BRAF: variants seen among roughly 807,000 people sequenced by gnomAD.
BRAF encodes the protein serine/threonine-protein kinase B-raf.
In BRAF, 16 loss-of-function variants were observed where a neutral mutation model predicts 104.6. The ratio of observed to expected loss-of-function variants is 0.15; its 90% CI spans 0.10 to 0.23. The LOEUF is 0.23. Among genes scored for constraint, BRAF ranks in the 10% least tolerant of loss-of-function variants. The pLI is 1.00. For synonymous variants in BRAF, 310 were observed against 341.6 expected (o/e 0.91, Z 1.02); for missense variants, 541 against 937.3 (o/e 0.58, Z 5.52).
chr7:140,716,348 A>T (rs1408955268), downstream of BRAF, among the ~76,000 whole-genome samples: 2 of 152,210 alleles, frequency 1.3e-5, no homozygotes, highest in African/African-American at 4.8e-5. Flanking sequence ...TGTAGAATGG[A>T]TTAAAAAGGT....
chr7:140,828,393 G>A (rs922847218), intron 3 of BRAF, among the ~76,000 whole-genome samples: 14 of 151,996 alleles, frequency 9.2e-5, no homozygotes, highest in African/African-American at 2.7e-4. Context: ...TTTCAACTCC[G>A]TCTTTGTTTT....
At chr7:140,891,311 T>C (rs896024828) in intron 1 of BRAF, among the ~76,000 whole-genome samples, 3 of 152,170 alleles carry the variant, frequency 2.0e-5, no homozygotes, top group Non-Finnish European at 4.4e-5. Context: ...CCACAAGGGA[T>C]TGGTTCCAGG....
At chr7:140,837,940 T>C (rs991634914) in intron 2 of BRAF, among the ~76,000 whole-genome samples, 2 of 152,226 alleles carry the variant, frequency 1.3e-5, no homozygotes, top group African/African-American at 2.4e-5. Flanking sequence ...ATTGGGTGTT[T>C]AGGGCCTTAG....
chr7:140,852,164 T>A (rs1185800185), intron 1 of BRAF, among the ~76,000 whole-genome samples: 1 of 151,092 alleles, frequency 6.6e-6, no homozygotes, highest in Non-Finnish European at 1.5e-5. Context: ...AGCCCAGGAG[T>A]TCACAACCAG....
intron 17 of BRAF, among the ~76,000 whole-genome samples, chr7:140,748,425 C>T (rs994950533): frequency 1.3e-5 from 2 of 152,116 alleles, no homozygotes; most frequent in Non-Finnish European, 2.9e-5. Flanking sequence ...TGGACCCTCC[C>T]CATTTAATTA....
At chr7:140,830,456 G>A (rs1806602630) in intron 3 of BRAF, among the ~76,000 whole-genome samples, 1 of 152,160 alleles carries the variant, frequency 6.6e-6, no homozygotes, top group Admixed American at 6.5e-5. Flanking sequence ...TGATCAGGGT[G>A]CCAGGTGCAT....
chr7:140,796,660 G>C (rs1455635603), intron 7 of BRAF, among the ~76,000 whole-genome samples: 1 of 152,200 alleles, frequency 6.6e-6, no homozygotes, highest in Non-Finnish European at 1.5e-5. Flanking sequence ...AACTCAATTT[G>C]GTAGTTGGTA....
At position 140,800,405 on chromosome 7, in the gene BRAF, T is replaced by C; in HGVS notation, c.937A>G (p.Thr313Ala). ...GGTGCGGAAGGGGATGATCCAGATG[T>C]TAGGGCAGTCTCTGCTAAGGACGCC... ...EEASLAETAL[T>A]SGSSPSAPAS... The change falls in exon 7 of 20, where the codon ACA becomes GCA. Residue 313 changes from threonine to alanine, a missense_variant. This residue lies in a region of BRAF where 79 missense variants were observed against 74.6 expected (regional missense o/e 1.06). Coordinates refer to ENST00000644969, the MANE Select transcript of BRAF (RefSeq NM_001374258.1). 1 of 1,614,134 alleles carries C rather than the reference T, an allele frequency of 6.2e-7. No individual in the cohort carries two copies. The highest frequency in any genetic ancestry group is 8.5e-7 in the Non-Finnish European group (1 of 1,180,006).
intron 2 of BRAF, among the ~76,000 whole-genome samples, chr7:140,841,883 A>G (rs1312006730): frequency 6.6e-6 from 1 of 152,198 alleles, no homozygotes; most frequent in Admixed American, 6.5e-5. Context: ...TTAAAACAGA[A>G]GGGAAAAAAA....
Position 140,916,872 on chromosome 7 carries a change from C to T in BRAF, c.138+7694G>A, listed in dbSNP as rs370182638. Among the ~76,000 whole-genome samples, 5 of 152,322 alleles carry T rather than the reference C, an allele frequency of 3.3e-5. No individual in the cohort carries two copies. The East Asian group carries it at 7.7e-4, about 24-fold the overall frequency. ...GTCAAAGTTCTAAAAATCTTCTCAA[C>T]TGGACCTACCTGATTTTAAATTTAA... On this transcript the variant is annotated intron_variant, in intron 1 of 19. Transcript: ENST00000644969.
chr7:140,763,473 C>G (rs570404962), intron 14 of BRAF, among the ~76,000 whole-genome samples: 2 of 150,720 alleles, frequency 1.3e-5, no homozygotes, highest in East Asian at 2.0e-4. Flanking sequence ...CTGACCCCCC[C>G]ACCTCCTTCC....
At chr7:140,892,212 T>G (rs1814310290) in intron 1 of BRAF, among the ~76,000 whole-genome samples, 1 of 151,964 alleles carries the variant, frequency 6.6e-6, no homozygotes. Context: ...GCCGAGATTG[T>G]GCCACTGCAC....
chr7:140,827,114 C>T (rs886383383), intron 3 of BRAF, among the ~76,000 whole-genome samples: 1 of 152,174 alleles, frequency 6.6e-6, no homozygotes, highest in African/African-American at 2.4e-5. Flanking sequence ...AGGTCCCAAT[C>T]CAAGCAAGAA....
At chr7:140,762,214 T>C (rs1432994689) in intron 14 of BRAF, among the ~76,000 whole-genome samples, 1 of 152,134 alleles carries the variant, frequency 6.6e-6, no homozygotes, top group Non-Finnish European at 1.5e-5. Flanking sequence ...GCAATCTAAC[T>C]AGAACTCAGG....
At chr7:140,843,525 T>C (rs1295315615) in intron 2 of BRAF, among the ~76,000 whole-genome samples, 2 of 152,198 alleles carry the variant, frequency 1.3e-5, no homozygotes, top group South Asian at 2.1e-4. Context: ...TTTATAATTT[T>C]TATGGATTGG....
rs397516906 is a variant in BRAF, at chr7:140,924,612, G to A, written c.92C>T (p.Ala31Val). ...GDMEPEAGAGAGAAASSAADP... is the reference protein window; with the variant it reads ...GDMEPEAGAGVGAAASSAADP... The stretch of plus-strand genomic sequence containing the variant: ...CGCAGCCGAAGAGGCCGCGGCGCCG[G>A]CGCCGGCGCCGGCCTCGGGCTCCAT... The change falls in exon 1 of 20, where the codon GCC becomes GTC. Residue 31 changes from alanine (A) to valine (V), a missense_variant. Ala to Val is a moderately conservative substitution (Grantham distance 64). Around this residue, in one of 10 missense-constraint regions of BRAF, gnomAD observed 82 missense variants for 65.9 expected, o/e 1.24. Coordinates refer to ENST00000644969, the MANE Select transcript of BRAF (RefSeq NM_001374258.1). This position sits in a 1 kb window ranked among gnomAD's most constrained non-coding sequence, Gnocchi z 4.2. 14 of 1,527,748 alleles carry A rather than the reference G, an allele frequency of 9.2e-6. No homozygotes were observed. Among genetic ancestry groups the A allele is most frequent in the East Asian group, 2.5e-5 (1 of 40,524 alleles). 94.6% of individuals were successfully genotyped at this position (1,527,748 alleles called of 1,614,324 possible).
intron 3 of BRAF, among the ~76,000 whole-genome samples, chr7:140,819,956 T>C (rs943474873): frequency 6.6e-6 from 1 of 152,208 alleles, no homozygotes; most frequent in African/African-American, 2.4e-5. Context: ...AATGGGTAAA[T>C]TGTATGGCTT....
At chr7:140,814,231 T>C (rs891280941) in intron 3 of BRAF, among the ~76,000 whole-genome samples, 2 of 152,210 alleles carry the variant, frequency 1.3e-5, no homozygotes, top group African/African-American at 2.4e-5. Context: ...ATGTGAATAT[T>C]TGCCAAGGAA....
chr7:140,775,590 C>A (rs1229632979), intron 14 of BRAF, among the ~76,000 whole-genome samples: 1 of 152,082 alleles, frequency 6.6e-6, no homozygotes, highest in Non-Finnish European at 1.5e-5. Flanking sequence ...CCGCCTGCCT[C>A]GGCCTCCCAT....
Sources: gnomAD v4.1 joint callset for allele counts (sites outside exome capture counted in the v4.1 genomes callset) on GRCh38, gnomAD v4.1.1 for gene constraint, gnomAD v4.1.1 regional missense constraint, Gnocchi (gnomAD v3.1) non-coding constraint, MANE v1.5 for transcripts, NCBI Gene and HGNC (gene_info 2026-07-23, HGNC 2026-07-21) for gene names.